The following EPB41L2 variants were observed in gnomAD, a reference collection of about 807,000 sequenced individuals.
EPB41L2 encodes the protein erythrocyte membrane protein band 4.1 like 2, also known as band 4.1-like protein 2.
A neutral mutation model predicts 113.0 loss-of-function variants in EPB41L2; 43 were observed. The ratio of observed to expected loss-of-function variants is 0.38; its 90% CI spans 0.30 to 0.49. The LOEUF (loss-of-function observed/expected upper bound fraction) is 0.49, where lower values mean the gene tolerates loss of function less well. Among genes scored for constraint, EPB41L2 ranks in the 20% least tolerant of loss-of-function variants. EPB41L2 has a pLI of 0.95. For missense variants in EPB41L2, 1,147 were observed against 1,223.4 expected, an observed-to-expected ratio of 0.94 and a Z score of 0.93; for synonymous variants, 442 against 436.7, an observed-to-expected ratio of 1.01 and a Z score of -0.15.
At chr6:130,887,863 T>C (rs1260100559) in intron 11 of EPB41L2, among the ~76,000 whole-genome samples, 1 of 152,160 alleles carries the variant, frequency 6.6e-6, no homozygotes, top group Non-Finnish European at 1.5e-5. Context: ...TGGTTGTTGG[T>C]TCTCTTAAAT....
intron 1 of EPB41L2, among the ~76,000 whole-genome samples, chr6:131,031,012 A>G (rs1399822927): frequency 6.6e-6 from 1 of 152,130 alleles, no homozygotes; most frequent in Non-Finnish European, 1.5e-5. Context: ...GGATCGCCTG[A>G]GCCCAAGAGG....
At chr6:131,051,584 G>T (rs1323388800) in intron 1 of EPB41L2, among the ~76,000 whole-genome samples, 2 of 152,106 alleles carry the variant, frequency 1.3e-5, no homozygotes, top group Non-Finnish European at 2.9e-5. Context: ...CAGAGCAGAG[G>T]AAGCAGAAAA....
intron 1 of EPB41L2, among the ~76,000 whole-genome samples, chr6:131,032,642 C>T (rs1038108304): frequency 3.7e-4 from 57 of 152,134 alleles, no homozygotes; most frequent in African/African-American, 1.3e-3. Flanking sequence ...ATTCTGTTTA[C>T]TACAGCTCTT....
chr6:130,873,416 C>T (rs574333148), intron 14 of EPB41L2, among the ~76,000 whole-genome samples: 1 of 152,190 alleles, frequency 6.6e-6, no homozygotes, highest in Non-Finnish European at 1.5e-5. Context: ...ATGAAGCACC[C>T]CCTCATGTCA....
chr6:131,026,954 G>GTAAAGGAA (rs1208952858), intron 1 of EPB41L2, among the ~76,000 whole-genome samples: 1 of 152,054 alleles, frequency 6.6e-6, no homozygotes, highest in African/African-American at 2.4e-5. Context: ...GTACCTCAAT[G>GTAAAGGAA]CATGTAATAC....
intron 14 of EPB41L2, 134 bp from the exon 15 acceptor site, chr6:130,870,260 A>G (rs1785217501): frequency 3.3e-6 from 5 of 1,538,210 alleles, no homozygotes; most frequent in Non-Finnish European, 4.4e-6. Context: ...ACTGAAAGGG[A>G]AGCGGGGCAA....
intron 1 of EPB41L2, among the ~76,000 whole-genome samples, chr6:131,042,495 T>C (rs1300715770): frequency 6.6e-6 from 1 of 152,214 alleles, no homozygotes; most frequent in African/African-American, 2.4e-5. Context: ...CTGCCCTCTT[T>C]ATTTATACAT....
In EPB41L2 at chr6:130,956,450, C is replaced by G; in HGVS notation, c.36G>C (p.Lys12Asn). The G allele has an allele frequency of 6.2e-7, 1 of 1,613,908 alleles. No individual in the cohort carries two copies. Among genetic ancestry groups the G allele is most frequent in the Non-Finnish European group, 8.5e-7 (1 of 1,180,022 alleles). Reference sequence around the variant, plus strand: ...CTGTTCCTAACTGGCTAGAGTCCTTCTTCACTTCAGACACAGAGCCTACTT... The same window carrying G: ...CTGTTCCTAACTGGCTAGAGTCCTTGTTCACTTCAGACACAGAGCCTACTT... ...TTEVGSVSEV[K>N]KDSSQLGTDA... The change falls in exon 2 of 20, where the codon AAG becomes AAC. Residue 12 changes from lysine (K) to asparagine (N), a missense_variant. Lys to Asn is a moderately conservative substitution (Grantham distance 94, BLOSUM62 0). Coordinates refer to ENST00000337057, the MANE Select transcript of EPB41L2 (RefSeq NM_001431.4).
At chr6:130,972,937 CAAAAAAAAAA>C (rs57293132) in intron 1 of EPB41L2, among the ~76,000 whole-genome samples, 107 of 59,514 alleles carry the variant, frequency 1.8e-3, no homozygotes, top group Middle Eastern at 0.012. Context: ...ACTAAAGATA[CAAAAAAAAAA>C]AAAAAAAAAA....
chr6:130,893,694 C>T (rs1443978362), intron 10 of EPB41L2, among the ~76,000 whole-genome samples: 1 of 152,178 alleles, frequency 6.6e-6, no homozygotes, highest in East Asian at 1.9e-4. Flanking sequence ...TTGGACAGCA[C>T]AGGTCCAAAA....
intron 10 of EPB41L2, among the ~76,000 whole-genome samples, chr6:130,891,810 T>A (rs77185511): frequency 0.011 from 1,735 of 152,274 alleles, 42 homozygotes; most frequent in African/African-American, 0.04. Flanking sequence ...GGCTATCAAT[T>A]AATAGATCTG....
intron 3 of EPB41L2, among the ~76,000 whole-genome samples, chr6:130,948,468 T>C (rs1169318439): frequency 6.6e-6 from 1 of 152,086 alleles, no homozygotes; most frequent in East Asian, 1.9e-4. Flanking sequence ...CTCAAGTGTG[T>C]CTGTAATATA....
At chr6:131,004,339 G>A (rs1463783801) in intron 1 of EPB41L2, among the ~76,000 whole-genome samples, 2 of 152,176 alleles carry the variant, frequency 1.3e-5, no homozygotes, top group African/African-American at 4.8e-5. Context: ...GTAAAATGAG[G>A]TTAAGGAAAT....
At chr6:131,051,465 AACACAC>A (rs201389745) in intron 1 of EPB41L2, among the ~76,000 whole-genome samples, 1 of 143,600 alleles carries the variant, frequency 7.0e-6, no homozygotes, top group Non-Finnish European at 1.5e-5. Context: ...AAAAAAAAAA[AACACAC>A]ACACACACAC....
intron 1 of EPB41L2, among the ~76,000 whole-genome samples, chr6:131,031,752 T>C (rs1017029666): frequency 1.3e-5 from 2 of 152,222 alleles, no homozygotes; most frequent in African/African-American, 4.8e-5. Context: ...TCTGATAATA[T>C]ATGTTTTCTA....
intron 14 of EPB41L2, among the ~76,000 whole-genome samples, chr6:130,875,112 T>G (rs1424884458): frequency 6.6e-6 from 1 of 152,234 alleles, no homozygotes; most frequent in Non-Finnish European, 1.5e-5. Context: ...ATATTTCATC[T>G]CAACTAGACC....
intron 14 of EPB41L2, among the ~76,000 whole-genome samples, chr6:130,873,491 T>C (rs1786452340): frequency 7.1e-6 from 1 of 141,328 alleles, no homozygotes. Flanking sequence ...TGAGACGGAG[T>C]CTCGCTCTGT....
intron 10 of EPB41L2, among the ~76,000 whole-genome samples, chr6:130,891,644 C>T (rs905111109): frequency 6.6e-6 from 1 of 152,012 alleles, no homozygotes; most frequent in Admixed American, 6.6e-5. Context: ...AGTAGAGACA[C>T]AGTTTCACCA....
intron 1 of EPB41L2, among the ~76,000 whole-genome samples, chr6:131,048,226 A>C (rs1244855965): frequency 6.6e-6 from 1 of 152,092 alleles, no homozygotes; most frequent in Non-Finnish European, 1.5e-5. Flanking sequence ...TCATAGGAAA[A>C]AAAATTATAC....
Sources: allele counts gnomAD v4.1 joint callset (sites outside exome capture counted in the v4.1 genomes callset), GRCh38; gene constraint gnomAD v4.1.1; transcripts MANE v1.5; gene names NCBI Gene and HGNC (gene_info 2026-07-23, HGNC 2026-07-21).